The following HIP1 variants were observed in gnomAD, a reference collection of about 807,000 sequenced individuals.
HIP1 encodes huntingtin-interacting protein 1.
In HIP1, 65 loss-of-function variants were observed where a neutral mutation model predicts 147.6. The ratio of observed to expected loss-of-function variants is 0.44; its 90% CI spans 0.36 to 0.54. The LOEUF (loss-of-function observed/expected upper bound fraction) is 0.54, where lower values mean the gene tolerates loss of function less well. Ranked by LOEUF, HIP1 falls within the 20% of genes least tolerant of loss-of-function variation. The probability of loss-of-function intolerance (pLI) is 0.00; values close to 1 mark genes in which losing one functional copy is unlikely to be tolerated. For synonymous variants in HIP1, 479 were observed against 504.0 expected, an observed-to-expected ratio of 0.95 and a Z score of 0.67; for missense variants, 1,061 against 1,299.6, an observed-to-expected ratio of 0.82 and a Z score of 2.82.
Position 75,539,326 on chromosome 7 carries a change from C to T in HIP1, c.3058G>A (p.Glu1020Lys). 1 of 1,613,194 alleles carries T rather than the reference C, an allele frequency of 6.2e-7. No homozygotes were observed. The highest frequency in any genetic ancestry group is 8.5e-7 in the Non-Finnish European group (1 of 1,179,146). ...ELAGVAEGWE[E>K]GTEASPPTLQ... ...CCCATCCTTGGAGTCAGCTTACCTTCTTCCCAGCCCTCAGCAACACCAGCA... is the reference window on the plus strand; with the variant it reads ...CCCATCCTTGGAGTCAGCTTACCTTTTTCCCAGCCCTCAGCAACACCAGCA... Residue 1020 changes from glutamate (E) to lysine (K), a missense_variant, in exon 30 of 31, where the codon GAA becomes AAA. Physicochemically the swap from Glu to Lys is moderately conservative, Grantham distance 56. Around this residue, in one of 3 missense-constraint regions of HIP1, gnomAD observed 810 missense variants for 946.8 expected, o/e 0.86. Coordinates refer to ENST00000336926, the MANE Select transcript of HIP1 (RefSeq NM_005338.7).
At chr7:75,617,639 G>T (rs1478030729) in intron 1 of HIP1, among the ~76,000 whole-genome samples, 3 of 152,150 alleles carry the variant, frequency 2.0e-5, no homozygotes, top group Non-Finnish European at 4.4e-5. Flanking sequence ...CTTTCAAAGG[G>T]GCCTGGAATG....
In HIP1 at chr7:75,569,665, T is replaced by C. The variant is rs587692740; in HGVS notation, c.746-1409A>G. Among the ~76,000 whole-genome samples the C allele has an allele frequency of 2.6e-5, 4 of 152,202 alleles. 1 individual carries two copies. The South Asian group carries it at 8.3e-4, about 32-fold the overall frequency. ...GGCAGAAGTGGACAGTGAATGAATA[T>C]GGCACTTGACCTAAATGATCTTTCT... On this transcript the variant is annotated intron_variant, in intron 8 of 30. Coordinates refer to ENST00000336926, the MANE Select transcript of HIP1 (RefSeq NM_005338.7).
chr7:75,674,503 T>TTTTTTGTTA (rs1799830336), intron 1 of HIP1, among the ~76,000 whole-genome samples: 1 of 151,782 alleles, frequency 6.6e-6, no homozygotes, highest in South Asian at 2.1e-4. Flanking sequence ...CTTTTTGTTT[T>TTTTTTGTTA]TTTTTTTGAG....
intron 1 of HIP1, among the ~76,000 whole-genome samples, chr7:75,690,864 A>G (rs7783435): frequency 7.9e-4 from 117 of 148,012 alleles, no homozygotes; most frequent in African/African-American, 2.8e-3. Flanking sequence ...ACTCCATCTC[A>G]AAAAAAAAAG....
chr7:75,688,969 C>A (rs1481780340), intron 1 of HIP1, among the ~76,000 whole-genome samples: 2 of 152,178 alleles, frequency 1.3e-5, no homozygotes, highest in African/African-American at 4.8e-5. Context: ...AGCCTCTGGG[C>A]AGCCTGCCGG....
chr7:75,657,570 T>C (rs1563273945), intron 1 of HIP1, among the ~76,000 whole-genome samples: 1 of 141,470 alleles, frequency 7.1e-6, no homozygotes, highest in East Asian at 2.0e-4. Context: ...AAAAGAACAA[T>C]ATCATGTCCT....
At chr7:75,721,262 A>G (rs868980569) in intron 1 of HIP1, among the ~76,000 whole-genome samples, 1 of 152,108 alleles carries the variant, frequency 6.6e-6, no homozygotes, top group African/African-American at 2.4e-5. Flanking sequence ...CTGTAATCCC[A>G]GCTCCTCAGG....
At chr7:75,666,596 C>A (rs1444069828) in intron 1 of HIP1, among the ~76,000 whole-genome samples, 1 of 152,222 alleles carries the variant, frequency 6.6e-6, no homozygotes. Context: ...TCTACAGCAG[C>A]ATTCAGGAAA....
At chr7:75,616,462 C>G (rs191746240) in intron 1 of HIP1, among the ~76,000 whole-genome samples, 56 of 152,032 alleles carry the variant, frequency 3.7e-4, no homozygotes, top group African/African-American at 1.3e-3. Context: ...TTGTAGAGAC[C>G]GGGTCTCACT....
chr7:75,702,104 A>AT (rs1188533546), intron 1 of HIP1, among the ~76,000 whole-genome samples: 1 of 145,048 alleles, frequency 6.9e-6, no homozygotes, highest in Non-Finnish European at 1.5e-5. Flanking sequence ...TAATTTTTGT[A>AT]TTTTTTTCTT....
At chr7:75,582,205 C>T (rs1796082257) in intron 5 of HIP1, 54 bp from the exon 6 acceptor site, 3 of 1,434,154 alleles carry the variant, frequency 2.1e-6, no homozygotes, top group African/African-American at 1.4e-5. Flanking sequence ...AGAGCCCTCT[C>T]TCAGCCGGGC....
chr7:75,591,346 C>A (rs1554500712), intron 4 of HIP1, among the ~76,000 whole-genome samples: 1 of 152,098 alleles, frequency 6.6e-6, no homozygotes, highest in Admixed American at 6.6e-5. Flanking sequence ...AGAGATTCTT[C>A]AAAATGCAGA....
intron 7 of HIP1, among the ~76,000 whole-genome samples, chr7:75,576,255 A>G (rs1244049357): frequency 2.6e-5 from 4 of 152,208 alleles, no homozygotes. Context: ...ATGCTGGGAA[A>G]AGTGCATGGA....
At chr7:75,703,468 A>C (rs1554519369) in intron 1 of HIP1, among the ~76,000 whole-genome samples, 1 of 151,916 alleles carries the variant, frequency 6.6e-6, no homozygotes, top group Non-Finnish European at 1.5e-5. Flanking sequence ...ACATGGAGAA[A>C]CCCTATCTCT....
intron 1 of HIP1, among the ~76,000 whole-genome samples, chr7:75,606,814 G>A (rs1797241771): frequency 6.6e-6 from 1 of 152,106 alleles, no homozygotes; most frequent in South Asian, 2.1e-4. Flanking sequence ...AGGCCCCTTT[G>A]TATGAATTAT....
At chr7:75,711,036 C>A (rs1801152309) in intron 1 of HIP1, among the ~76,000 whole-genome samples, 1 of 152,122 alleles carries the variant, frequency 6.6e-6, no homozygotes, top group East Asian at 1.9e-4. Flanking sequence ...CTTTTGTCTA[C>A]CTATGAGAAC....
intron 1 of HIP1, among the ~76,000 whole-genome samples, chr7:75,693,298 C>T (rs1260193100): frequency 2.0e-5 from 3 of 152,000 alleles, no homozygotes; most frequent in Non-Finnish European, 4.4e-5. Flanking sequence ...TTTATTTGTA[C>T]ACCTTCCTTT....
At chr7:75,597,804 C>T (rs979304059) in intron 2 of HIP1, among the ~76,000 whole-genome samples, 2 of 151,694 alleles carry the variant, frequency 1.3e-5, no homozygotes, top group South Asian at 4.2e-4. Flanking sequence ...TGGCCCAGCA[C>T]ACAGAGAGTT....
chr7:75,539,628 T>TTTTTAATAG (rs1554489472), intron 29 of HIP1, among the ~76,000 whole-genome samples, 197 bp from the exon 30 acceptor site: 1 of 152,184 alleles, frequency 6.6e-6, no homozygotes, highest in East Asian at 1.9e-4. Context: ...CCTACATCTA[T>TTTTTAATAG]CTTATTTTGA....
Sources: gnomAD v4.1 joint callset for allele counts (sites outside exome capture counted in the v4.1 genomes callset) on GRCh38, gnomAD v4.1.1 for gene constraint, gnomAD v4.1.1 regional missense constraint, MANE v1.5 for transcripts, NCBI Gene and HGNC (gene_info 2026-07-23, HGNC 2026-07-21) for gene names.